The following UBE2Q2 variants were observed in gnomAD, a reference collection of about 807,000 sequenced individuals.
UBE2Q2 encodes ubiquitin-conjugating enzyme E2 Q2.
UBE2Q2 carries 54 observed loss-of-function variants against 59.9 expected under a neutral mutation model. The ratio of observed to expected loss-of-function variants is 0.90; its 90% CI spans 0.72 to 1.13. UBE2Q2 has a LOEUF of 1.13. UBE2Q2 is among the 50% of genes most tolerant of loss of function. UBE2Q2 has a pLI of 0.00. For synonymous variants in UBE2Q2, 165 were observed against 155.2 expected, an observed-to-expected ratio of 1.06 and a Z score of -0.47; for missense variants, 433 against 441.9, an observed-to-expected ratio of 0.98 and a Z score of 0.18.
chr15:75,895,185 C>CA (rs1233230032), intron 11 of UBE2Q2: 22 of 144,930 alleles, frequency 1.5e-4, no homozygotes, highest in African/African-American at 2.3e-4. Flanking sequence ...GACTCCGTCT[C>CA]AAAAAAAAAA....
rs535373592 is a variant in UBE2Q2, at chr15:75,891,592, G to A, written c.1029+578G>A. On this transcript the variant is annotated intron_variant, in intron 11 of 12. Transcript: ENST00000267938. ...GATGAGGTAACTGAAGCATACAGAAGTTAGTTAGATAACTTGTCTGAGGTG... is the reference window on the plus strand; with the variant it reads ...GATGAGGTAACTGAAGCATACAGAAATTAGTTAGATAACTTGTCTGAGGTG... Among the ~76,000 whole-genome samples the A allele has an allele frequency of 2.4e-3, 362 of 152,000 alleles. 2 individuals carry two copies. The highest frequency in any genetic ancestry group is 4.2e-3 in the Admixed American group (64 of 15,260).
intron 12 of UBE2Q2, 26 bp downstream of exon 12, chr15:75,897,087 T>C: frequency 7.0e-7 from 1 of 1,429,502 alleles, no homozygotes; most frequent in South Asian, 1.4e-5. Flanking sequence ...TAAGTGTTTA[T>C]TGCCATTTAA....
chr15:75,879,105 C>A lies in UBE2Q2; in HGVS notation c.742C>A (p.Pro248Thr). The A allele has an allele frequency of 1.3e-6, 2 of 1,563,902 alleles. No homozygotes were observed. Among genetic ancestry groups the A allele is most frequent in the Non-Finnish European group, 8.6e-7 (1 of 1,158,558 alleles). ...DWHVKLQKVD[P>T]DSPLHSDLQI... ...TTGTTTTGTAATTCTTAGGGTTGACCCTGATAGTCCTTTGCACAGTGATCT... is the reference window on the plus strand; with the variant it reads ...TTGTTTTGTAATTCTTAGGGTTGACACTGATAGTCCTTTGCACAGTGATCT... Residue 248 changes from proline to threonine, a missense_variant, in exon 8 of 13, where the codon CCT (proline) becomes ACT (threonine). By Grantham distance (38) the Pro-to-Thr change is conservative. Coordinates refer to ENST00000267938, the MANE Select transcript of UBE2Q2 (RefSeq NM_173469.4).
Position 75,843,633 on chromosome 15 carries a change from C to T in UBE2Q2, c.-34C>T. The T allele has an allele frequency of 1.3e-6, 2 of 1,563,776 alleles. No individual in the cohort carries two copies. The highest frequency in any genetic ancestry group is 3.7e-4 in the Middle Eastern group (2 of 5,434). On this transcript the variant is annotated 5_prime_UTR_variant, in exon 1 of 13. Transcript: ENST00000267938. ...GGCTCCCCTTCCGCGCCCGGCTCCC[C>T]TTCCGCGCCCCTCCCGCCGGAGATG...
Position 75,854,457 on chromosome 15 carries a change from A to G in UBE2Q2, c.252A>G (p.Glu84=). Residue 84 remains glutamate, a synonymous_variant, in exon 2 of 13, where the codon GAA becomes GAG. Coordinates refer to ENST00000267938, the MANE Select transcript of UBE2Q2 (RefSeq NM_173469.4). ...ACCCAAATCTGACATCAGTTCTGGA[A>G]CGTCTAGAAGATACTAAGAACAACA... ...SEDPNLTSVL[E]RLEDTKNNNL... The G allele has an allele frequency of 6.2e-7, 1 of 1,613,380 alleles. No homozygotes were observed. Among genetic ancestry groups the G allele is most frequent in the Non-Finnish European group, 8.5e-7 (1 of 1,179,580 alleles).
At chr15:75,844,339 A>G (rs1896203307) in intron 1 of UBE2Q2, 1 of 1,550,120 alleles carries the variant, frequency 6.5e-7, no homozygotes, top group Non-Finnish European at 8.7e-7. Context: ...GTTTGCGTTT[A>G]AGGAGAAACT....
chr15:75,879,464 A>G (rs1898274400), intron 8 of UBE2Q2, among the ~76,000 whole-genome samples: 1 of 152,246 alleles, frequency 6.6e-6, no homozygotes, highest in Non-Finnish European at 1.5e-5. Flanking sequence ...GTTTACAGCT[A>G]TGTGGGACAA....
chr15:75,882,094 T>C (rs1212696439), intron 8 of UBE2Q2, among the ~76,000 whole-genome samples: 2 of 152,208 alleles, frequency 1.3e-5, no homozygotes, highest in Non-Finnish European at 2.9e-5. Flanking sequence ...GGCATGAAAC[T>C]AGTAAGTCAA....
At chr15:75,895,553 A>G (rs1284737218) in intron 11 of UBE2Q2, among the ~76,000 whole-genome samples, 4 of 152,144 alleles carry the variant, frequency 2.6e-5, no homozygotes, top group African/African-American at 9.7e-5. Flanking sequence ...AAAAGTCCTT[A>G]CATAAATTTA....
At chr15:75,880,483 G>T (rs1365922922) in intron 8 of UBE2Q2, among the ~76,000 whole-genome samples, 2 of 145,002 alleles carry the variant, frequency 1.4e-5, no homozygotes, top group African/African-American at 2.6e-5. Context: ...AAATGTTAAT[G>T]ATTTTTTTTT....
intron 1 of UBE2Q2, among the ~76,000 whole-genome samples, chr15:75,845,566 TA>T (rs919408121): frequency 6.6e-6 from 1 of 152,200 alleles, no homozygotes; most frequent in Admixed American, 6.5e-5. Flanking sequence ...GGGGAGCTAC[TA>T]AGTTTACTCA....
Position 75,896,937 on chromosome 15 carries a change from A to G in UBE2Q2, c.1030-58A>G, listed in dbSNP as rs533424369. On this transcript the variant is annotated intron_variant, in intron 11 of 12. Transcript: ENST00000267938. ...CACAGTGTGATGCATTCATAAATTT[A>G]TTGTAATAATTTTCACCTAATTACA... 141 of 1,137,020 alleles carry G rather than the reference A, an allele frequency of 1.2e-4. 1 individual carries two copies. Among genetic ancestry groups the G allele is most frequent in the Non-Finnish European group, 1.7e-4 (134 of 785,762 alleles). The allele number at this position is 1,137,020 out of a possible 1,614,324, so 70.4% of individuals were successfully genotyped here.
chr15:75,844,548 T>G, intron 1 of UBE2Q2: 1 of 1,513,530 alleles, frequency 6.6e-7, no homozygotes, highest in Middle Eastern at 1.7e-4. Flanking sequence ...AATGGATAGG[T>G]GAAAGGAGAT....
chr15:75,845,113 A>G (rs947430498), intron 1 of UBE2Q2, among the ~76,000 whole-genome samples: 1 of 152,182 alleles, frequency 6.6e-6, no homozygotes, highest in African/African-American at 2.4e-5. Context: ...GAGTTCAATA[A>G]GGTGACAGCT....
chr15:75,865,800 GGTT>G (rs1897434956), intron 3 of UBE2Q2, among the ~76,000 whole-genome samples: 5 of 138,786 alleles, frequency 3.6e-5, no homozygotes, highest in Non-Finnish European at 3.3e-5. Context: ...AATAATATCT[GGTT>G]GTTTTTTTTT....
chr15:75,900,932 C>T lies in UBE2Q2; in HGVS notation c.*1474C>T, dbSNP rs754888040. ...GATGGCAAGCAGACTGATAGCTGCA[C>T]ATTTGGCATGCTTTGTTTAATGGAT... On this transcript the variant is annotated 3_prime_UTR_variant, in exon 13 of 13. Transcript: ENST00000267938. 1.4e-4 allele frequency: 21 copies of T among 152,542 alleles called. No homozygotes were observed. Among genetic ancestry groups the T allele is most frequent in the African/African-American group, 4.6e-4 (19 of 41,418 alleles). 9.4% of individuals were successfully genotyped at this position (152,542 alleles called of 1,614,324 possible).
At chr15:75,882,921 A>T (rs1898515649) in intron 8 of UBE2Q2, among the ~76,000 whole-genome samples, 1 of 152,166 alleles carries the variant, frequency 6.6e-6, no homozygotes, top group Non-Finnish European at 1.5e-5. Flanking sequence ...TGTGAGTTCT[A>T]GCTCAGCTTG....
chr15:75,897,283 A>T (rs335692), intron 12 of UBE2Q2, among the ~76,000 whole-genome samples: 1 of 151,968 alleles, frequency 6.6e-6, no homozygotes, highest in Non-Finnish European at 1.5e-5. Context: ...CTGTCACCCC[A>T]GCTGGAGTGC....
chr15:75,891,084 TCTTGA>T (rs1338471913), intron 11 of UBE2Q2, 70 bp downstream of exon 11: 95 of 1,212,996 alleles, frequency 7.8e-5, no homozygotes, highest in East Asian at 2.2e-4. Flanking sequence ...TTTCTTCCTG[TCTTGA>T]CTTAATTCTT....
Sources: gnomAD v4.1 joint callset for allele counts (sites outside exome capture counted in the v4.1 genomes callset) on GRCh38, gnomAD v4.1.1 for gene constraint, MANE v1.5 for transcripts, NCBI Gene and HGNC (gene_info 2026-07-23, HGNC 2026-07-21) for gene names.